ZHX2: variants seen among roughly 807,000 people sequenced by gnomAD.
ZHX2 encodes the protein zinc fingers and homeoboxes protein 2.
A neutral mutation model predicts 21.9 loss-of-function variants in ZHX2; 6 were observed. The observed-to-expected ratio is 0.27, with a 90% CI of 0.15 to 0.54. The LOEUF is 0.54. Among genes scored for constraint, ZHX2 ranks in the 20% least tolerant of loss-of-function variants. ZHX2 has a pLI of 0.95. For synonymous variants in ZHX2, 434 were observed against 437.1 expected (o/e 0.99, Z 0.09); for missense variants, 908 against 1,090.7 (o/e 0.83, Z 2.36).
intron 2 of ZHX2, among the ~76,000 whole-genome samples, chr8:122,888,482 G>GT (rs1402574245): frequency 2.6e-5 from 4 of 151,840 alleles, no homozygotes; most frequent in African/African-American, 4.8e-5. Context: ...TTTGTTTTTT[G>GT]TTTTTTTGTT....
chr8:122,913,354 A>G (rs1415931464), intron 2 of ZHX2, among the ~76,000 whole-genome samples: 1 of 152,222 alleles, frequency 6.6e-6, no homozygotes, highest in Non-Finnish European at 1.5e-5. Context: ...TTCGCATGGT[A>G]GGAACCCAGA....
intron 1 of ZHX2, among the ~76,000 whole-genome samples, chr8:122,793,794 C>G (rs1203726197): frequency 6.6e-6 from 1 of 152,180 alleles, no homozygotes; most frequent in African/African-American, 2.4e-5. Context: ...ATCGCAGAAG[C>G]TTGGGGGGCC....
At chr8:122,862,896 C>T (rs140750542) in intron 1 of ZHX2, among the ~76,000 whole-genome samples, 1 of 152,254 alleles carries the variant, frequency 6.6e-6, no homozygotes, top group East Asian at 1.9e-4. Context: ...CCCAACTTGC[C>T]GTGCTGTGAA....
intron 2 of ZHX2, among the ~76,000 whole-genome samples, chr8:122,949,822 G>T (rs1459194582): frequency 6.6e-6 from 1 of 152,212 alleles, no homozygotes; most frequent in Non-Finnish European, 1.5e-5. Context: ...CTTAAGCCCA[G>T]GAGATAGAGG....
intron 1 of ZHX2, among the ~76,000 whole-genome samples, chr8:122,832,218 A>G (rs1818392877): frequency 6.6e-6 from 1 of 152,212 alleles, no homozygotes; most frequent in South Asian, 2.1e-4. Context: ...TAGAGCATAC[A>G]GTTGGAGGAG....
intron 1 of ZHX2, among the ~76,000 whole-genome samples, chr8:122,826,758 C>A (rs1202374551): frequency 6.6e-6 from 1 of 152,050 alleles, no homozygotes; most frequent in African/African-American, 2.4e-5. Context: ...GTGTTCAGAT[C>A]CAACTTCTTC....
At chr8:122,941,621 G>A (rs182764665) in intron 2 of ZHX2, among the ~76,000 whole-genome samples, 5 of 151,694 alleles carry the variant, frequency 3.3e-5, no homozygotes, top group Non-Finnish European at 5.9e-5. Flanking sequence ...TCTACTCTTC[G>A]GCATGGCAGG....
At chr8:122,958,302 C>T (rs1354904251) in intron 3 of ZHX2, among the ~76,000 whole-genome samples, 1 of 152,214 alleles carries the variant, frequency 6.6e-6, no homozygotes, top group Non-Finnish European at 1.5e-5. Context: ...GATTCAGTCC[C>T]TGTGTCTGAA....
At chr8:122,899,637 T>C (rs1331634438) in intron 2 of ZHX2, among the ~76,000 whole-genome samples, 1 of 152,180 alleles carries the variant, frequency 6.6e-6, no homozygotes, top group Non-Finnish European at 1.5e-5. Flanking sequence ...TGCATTTGTC[T>C]TACCTGAGTC....
At chr8:122,816,445 T>TC (rs1491099127) in intron 1 of ZHX2, 2 of 125,152 alleles carry the variant, frequency 1.6e-5, no homozygotes, top group East Asian at 4.4e-4. Context: ...AATGAATCTA[T>TC]CTTTTTTTTT....
chr8:122,965,031 C>CTTT (rs140185712), intron 3 of ZHX2, among the ~76,000 whole-genome samples: 2 of 111,532 alleles, frequency 1.8e-5, no homozygotes, highest in Non-Finnish European at 3.9e-5. Flanking sequence ...CTTCTCTCTT[C>CTTT]TGTTTTTTTT....
chr8:122,886,141 T>G (rs1819837293), intron 2 of ZHX2, among the ~76,000 whole-genome samples: 1 of 152,222 alleles, frequency 6.6e-6, no homozygotes, highest in Non-Finnish European at 1.5e-5. Context: ...GGGGTGTTAT[T>G]CAGCCATAAA....
In ZHX2 at chr8:122,871,463, G is replaced by C. The variant is rs533133803; in HGVS notation, c.-220+7924G>C. ...AAACACTGCATGTTCTCATTCATAGGTGGGAATTGAACAATGAGAGCACAT... is the reference window on the plus strand; with the variant it reads ...AAACACTGCATGTTCTCATTCATAGCTGGGAATTGAACAATGAGAGCACAT... On this transcript the variant is annotated intron_variant, in intron 2 of 3. Coordinates refer to ENST00000314393, the MANE Select transcript of ZHX2 (RefSeq NM_014943.5). Among the ~76,000 whole-genome samples the C allele has an allele frequency of 2.7e-5, 4 of 146,424 alleles. No homozygotes were observed. The South Asian group carries it at 8.7e-4, about 32-fold the overall frequency.
At chr8:122,897,118 A>G (rs1383906184) in intron 2 of ZHX2, among the ~76,000 whole-genome samples, 1 of 152,184 alleles carries the variant, frequency 6.6e-6, no homozygotes, top group East Asian at 1.9e-4. Flanking sequence ...CTCAAATAGG[A>G]GCCTGGGCTT....
At chr8:122,795,000 A>G (rs977566889) in intron 1 of ZHX2, among the ~76,000 whole-genome samples, 7 of 152,220 alleles carry the variant, frequency 4.6e-5, no homozygotes, top group Non-Finnish European at 1.0e-4. Context: ...CTGAAATACT[A>G]TGAGCCACTT....
At chr8:122,820,206 ACT>A (rs1190846849) in intron 1 of ZHX2, among the ~76,000 whole-genome samples, 1 of 151,566 alleles carries the variant, frequency 6.6e-6, no homozygotes, top group African/African-American at 2.4e-5. Flanking sequence ...AGGGTCCCTG[ACT>A]CTTGTCCTCT....
intron 1 of ZHX2, among the ~76,000 whole-genome samples, chr8:122,853,181 C>A (rs2130747646): frequency 6.6e-6 from 1 of 152,322 alleles, no homozygotes; most frequent in East Asian, 1.9e-4. Flanking sequence ...ACCTGCCACA[C>A]TGGTGCCATC....
intron 2 of ZHX2, among the ~76,000 whole-genome samples, chr8:122,884,925 G>T (rs570369862): frequency 6.6e-6 from 1 of 152,330 alleles, no homozygotes; most frequent in African/African-American, 2.4e-5. Flanking sequence ...TCAAAAAAAT[G>T]GGAAGCCATT....
rs904391370 is a variant in ZHX2 at position 122,857,032 on chromosome 8, C to G, written c.-282-6445C>G. ...TCTCTGGGGTCCACCGTGCCCCTCC[C>G]GCCACAGCCCACACATGCCCTTCGC... On this transcript the variant is annotated intron_variant, in intron 1 of 3. Transcript: ENST00000314393. Among the ~76,000 whole-genome samples the G allele has an allele frequency of 8.5e-5, 13 of 152,264 alleles. No homozygotes were observed. The East Asian group carries it at 2.5e-3, about 29-fold the overall frequency.
Sources: gnomAD v4.1 joint callset for allele counts (sites outside exome capture counted in the v4.1 genomes callset) on GRCh38, gnomAD v4.1.1 for gene constraint, MANE v1.5 for transcripts, NCBI Gene and HGNC (gene_info 2026-07-23, HGNC 2026-07-21) for gene names.